The following COTL1 variants were observed in gnomAD, a reference collection of about 807,000 sequenced individuals.
The protein encoded by COTL1 is coactosin like F-actin binding protein 1.
Under a neutral mutation model 16.5 loss-of-function variants are expected in COTL1, and 15 were observed. The observed-to-expected ratio is 0.91, with a 90% confidence interval of 0.61 to 1.40. The LOEUF (loss-of-function observed/expected upper bound fraction) is 1.40, where lower values mean the gene tolerates loss of function less well. COTL1 is among the 40% of genes most tolerant of loss of function. The pLI is 0.00. For missense variants in COTL1, 220 were observed against 201.5 expected, an observed-to-expected ratio of 1.09 and a Z score of -0.56; for synonymous variants, 112 against 85.3, an observed-to-expected ratio of 1.31 and a Z score of -1.73.
chr16:84,580,897 A>C (rs1322430491), intron 3 of COTL1, among the ~76,000 whole-genome samples: 1 of 152,112 alleles, frequency 6.6e-6, no homozygotes, highest in African/African-American at 2.4e-5. Context: ...TAATGCCAGC[A>C]CTTTGGGAGG....
chr16:84,572,982 G>A (rs1321117631), intron 3 of COTL1, among the ~76,000 whole-genome samples: 1 of 151,818 alleles, frequency 6.6e-6, no homozygotes, highest in Non-Finnish European at 1.5e-5. Context: ...TCAAACTCCT[G>A]AGATGAAGTG....
At chr16:84,574,195 G>A (rs1904399132) in intron 3 of COTL1, among the ~76,000 whole-genome samples, 1 of 152,160 alleles carries the variant, frequency 6.6e-6, no homozygotes, top group Non-Finnish European at 1.5e-5. Flanking sequence ...ACAACCCAGA[G>A]AGGGGACGCA....
chr16:84,600,312 C>CTTT (rs11305996), intron 2 of COTL1, among the ~76,000 whole-genome samples: 26 of 125,864 alleles, frequency 2.1e-4, no homozygotes, highest in African/African-American at 5.4e-4. Flanking sequence ...AATAAAGGCT[C>CTTT]TTTTTTTTTT....
At chr16:84,579,989 G>C (rs913837870) in intron 3 of COTL1, among the ~76,000 whole-genome samples, 2 of 152,250 alleles carry the variant, frequency 1.3e-5, no homozygotes, top group African/African-American at 2.4e-5. Flanking sequence ...TCACGGCACA[G>C]CGACTGTATA....
chr16:84,567,921 A>C (rs966129501), intron 3 of COTL1: 1 of 151,874 alleles, frequency 6.6e-6, no homozygotes, highest in Non-Finnish European at 1.5e-5. Flanking sequence ...AGCTATCAAA[A>C]CCACAAATAA....
chr16:84,608,591 G>A (rs138486132), intron 2 of COTL1, among the ~76,000 whole-genome samples: 4 of 152,338 alleles, frequency 2.6e-5, no homozygotes, highest in African/African-American at 9.6e-5. Context: ...TGTTTTCGCA[G>A]CCCTTCAGGG....
intron 2 of COTL1, among the ~76,000 whole-genome samples, chr16:84,611,266 T>C (rs1368374690): frequency 6.6e-6 from 1 of 152,236 alleles, no homozygotes; most frequent in Non-Finnish European, 1.5e-5. Context: ...CCTGGATTCC[T>C]TCTAAAATAA....
At chr16:84,613,555 A>T (rs1386638687) in intron 2 of COTL1, among the ~76,000 whole-genome samples, 2 of 152,182 alleles carry the variant, frequency 1.3e-5, no homozygotes, top group African/African-American at 4.8e-5. Context: ...AGCAGACAGC[A>T]TGAGTGTAAT....
chr16:84,608,073 G>A (rs1905249471), intron 2 of COTL1, among the ~76,000 whole-genome samples: 1 of 151,858 alleles, frequency 6.6e-6, no homozygotes, highest in African/African-American at 2.4e-5. Flanking sequence ...AGGTAAAGTG[G>A]ATCAGAGACA....
intron 2 of COTL1, among the ~76,000 whole-genome samples, chr16:84,602,376 G>T (rs570891646): frequency 5.1e-4 from 76 of 150,448 alleles, no homozygotes; most frequent in African/African-American, 1.8e-3. Flanking sequence ...GGGCCACAGT[G>T]AGACTCTGTC....
chr16:84,576,976 C>G (rs1363671176), intron 3 of COTL1: 2 of 152,190 alleles, frequency 1.3e-5, no homozygotes, highest in African/African-American at 4.8e-5. Context: ...ACCAATAAAC[C>G]AAAGACTCTG....
chr16:84,586,453 T>C (rs1904735920), intron 3 of COTL1, among the ~76,000 whole-genome samples: 1 of 152,044 alleles, frequency 6.6e-6, no homozygotes, highest in Non-Finnish European at 1.5e-5. Flanking sequence ...ACTGCCTTAG[T>C]GGGTATGAGG....
intron 3 of COTL1, among the ~76,000 whole-genome samples, chr16:84,587,956 G>C (rs1185801414): frequency 6.6e-6 from 1 of 152,078 alleles, no homozygotes; most frequent in Non-Finnish European, 1.5e-5. Flanking sequence ...ATTTTTAGCA[G>C]AGACAGAGTT....
rs563081659 is a variant in COTL1 at position 84,590,848 on chromosome 16, G to C, written c.161-586C>G. On this transcript the variant is annotated intron_variant, in intron 2 of 3. Transcript: ENST00000262428. This position sits in a 1 kb window ranked among gnomAD's most constrained non-coding sequence, Gnocchi z 5.5. ...CTGTAGAGAGACAGGAGGGGCAAGG[G>C]GGGTGCTGGGTATGAAGAGGAAACA... Among the ~76,000 whole-genome samples the C allele has an allele frequency of 3.3e-5, 5 of 152,242 alleles. No homozygotes were observed. The highest frequency in any genetic ancestry group is 3.9e-4 in the East Asian group (2 of 5,176).
intron 2 of COTL1, 142 bp downstream of exon 2, chr16:84,617,359 C>T: frequency 1.4e-6 from 1 of 719,288 alleles, no homozygotes; most frequent in Non-Finnish European, 2.3e-6. Context: ...TTAAAACGCT[C>T]ACACCGGGTT....
intron 2 of COTL1, among the ~76,000 whole-genome samples, chr16:84,610,107 C>G (rs556261869): frequency 6.6e-6 from 1 of 152,304 alleles, no homozygotes; most frequent in East Asian, 1.9e-4. Flanking sequence ...GATCTCTCCT[C>G]TTGGTCTCAC....
chr16:84,608,329 T>G (rs533083212), intron 2 of COTL1, among the ~76,000 whole-genome samples: 12 of 152,372 alleles, frequency 7.9e-5, no homozygotes, highest in East Asian at 5.8e-4. Flanking sequence ...TTTTTTGAAC[T>G]TGAGACACTG....
At chr16:84,616,634 G>A (rs1047048883) in intron 2 of COTL1, among the ~76,000 whole-genome samples, 1 of 152,206 alleles carries the variant, frequency 6.6e-6, no homozygotes, top group Non-Finnish European at 1.5e-5. Context: ...AGATGGGAGG[G>A]AGTCGCATTC....
At position 84,590,972 on chromosome 16, in the gene COTL1, A is replaced by G. The variant is rs1244850532; in HGVS notation, c.161-710T>C. Among the ~76,000 whole-genome samples, 1 of 152,160 alleles carries G rather than the reference A, an allele frequency of 6.6e-6. No homozygotes were observed. Among genetic ancestry groups the G allele is most frequent in the East Asian group, 1.9e-4 (1 of 5,198 alleles). On this transcript the variant is annotated intron_variant, in intron 2 of 3. Coordinates refer to ENST00000262428, the MANE Select transcript of COTL1 (RefSeq NM_021149.5). This position sits in a 1 kb window ranked among gnomAD's most constrained non-coding sequence, Gnocchi z 5.5. The stretch of plus-strand genomic sequence containing the variant: ...AACAATGAATTCTGAACACATTTCC[A>G]TTGGCTGTGTTATGCTTGTTCTATC...
Sources: gnomAD v4.1 joint callset for allele counts (sites outside exome capture counted in the v4.1 genomes callset) on GRCh38, gnomAD v4.1.1 for gene constraint, Gnocchi (gnomAD v3.1) non-coding constraint, MANE v1.5 for transcripts, NCBI Gene and HGNC (gene_info 2026-07-23, HGNC 2026-07-21) for gene names.